The following LARGE1 variants were observed in gnomAD, a reference collection of about 807,000 sequenced individuals.
The protein encoded by LARGE1 is xylosyl- and glucuronyltransferase LARGE1.
In LARGE1, 43 loss-of-function variants were observed where a neutral mutation model predicts 87.6. That is an observed-to-expected ratio of 0.49 (90% confidence interval 0.38 to 0.63). LARGE1 has a LOEUF of 0.63. LARGE1 is among the 30% of genes least tolerant of loss of function. LARGE1 has a pLI of 0.00. For missense variants in LARGE1, 802 were observed against 1,000.2 expected, an observed-to-expected ratio of 0.80 and a Z score of 2.67; for synonymous variants, 434 against 394.6, an observed-to-expected ratio of 1.10 and a Z score of -1.18.
intron 1 of LARGE1, among the ~76,000 whole-genome samples, chr22:33,846,012 A>G (rs2063419689): frequency 6.6e-6 from 1 of 152,220 alleles, no homozygotes; most frequent in Non-Finnish European, 1.5e-5. Flanking sequence ...CTTGGTGAAG[A>G]ACAGAGCTGT....
chr22:33,508,641 C>T (rs1477222180), intron 6 of LARGE1, among the ~76,000 whole-genome samples: 3 of 152,174 alleles, frequency 2.0e-5, no homozygotes. Flanking sequence ...TTACAACGTA[C>T]ATCCATGACA....
chr22:33,388,658 C>T (rs1038393368), intron 7 of LARGE1, among the ~76,000 whole-genome samples: 5 of 152,154 alleles, frequency 3.3e-5, no homozygotes, highest in Admixed American at 2.6e-4. Context: ...CTCTGCCTCC[C>T]AGGTTCAAGC....
At position 33,277,065 on chromosome 22, in the gene LARGE1, C is replaced by T; in HGVS notation, c.2068G>A (p.Val690Met). The T allele has an allele frequency of 6.2e-7, 1 of 1,614,206 alleles. No homozygotes were observed. The highest frequency in any genetic ancestry group is 8.5e-7 in the Non-Finnish European group (1 of 1,180,010). ...NKVAHIMELD[V>M]QEYEFIVLPN... ...GGATGCTCCGTTCTTCTCACCTGCA[C>T]ATCCAGCTCCATGATATGAGCCACT... The change falls in exon 14 of 15, where the codon GTG (valine) becomes ATG (methionine). Residue 690 changes from valine to methionine, a missense_variant. Coordinates refer to ENST00000397394, the MANE Select transcript of LARGE1 (RefSeq NM_133642.5).
At chr22:33,223,520 A>ATAG (rs1363746281) in intron 11 of LARGE1, among the ~76,000 whole-genome samples, 12 of 152,314 alleles carry the variant, frequency 7.9e-5, no homozygotes, top group African/African-American at 2.6e-4. Context: ...GCCTAAGATG[A>ATAG]GAATGACGCC....
chr22:33,896,923 T>G (rs1421346529), intron 1 of LARGE1, among the ~76,000 whole-genome samples: 1 of 152,144 alleles, frequency 6.6e-6, no homozygotes, highest in Non-Finnish European at 1.5e-5. Flanking sequence ...CGACCAGACC[T>G]GATGGTGGGG....
intron 6 of LARGE1, among the ~76,000 whole-genome samples, chr22:33,444,602 G>A (rs1018524406): frequency 6.6e-6 from 1 of 152,156 alleles, no homozygotes; most frequent in Admixed American, 6.5e-5. Flanking sequence ...TGTTGAATGA[G>A]GAAGAATGTG....
the LARGE1 span, among the ~76,000 whole-genome samples, chr22:33,080,535 A>T: frequency 2.6e-5 from 4 of 152,222 alleles, no homozygotes; most frequent in African/African-American, 9.6e-5. Flanking sequence ...GATGACACAG[A>T]CACTTCAGCT....
At chr22:33,621,043 T>C (rs751383862) in intron 4 of LARGE1, among the ~76,000 whole-genome samples, 13 of 152,242 alleles carry the variant, frequency 8.5e-5, no homozygotes, top group Admixed American at 4.6e-4. Flanking sequence ...ACATGTCACA[T>C]ATAGGCATGT....
the LARGE1 span, among the ~76,000 whole-genome samples, chr22:33,091,770 G>A: frequency 6.6e-6 from 1 of 152,154 alleles, no homozygotes; most frequent in Non-Finnish European, 1.5e-5. Flanking sequence ...AAGTGAAAAT[G>A]GTAATACCGA....
At chr22:33,222,355 G>A (rs1236958649) in intron 11 of LARGE1, among the ~76,000 whole-genome samples, 1 of 152,104 alleles carries the variant, frequency 6.6e-6, no homozygotes, top group Non-Finnish European at 1.5e-5. Flanking sequence ...GAGAAAGAAG[G>A]GCCTTGGGGG....
intron 11 of LARGE1, among the ~76,000 whole-genome samples, chr22:33,253,923 T>TA (rs68005092): frequency 1.3e-5 from 2 of 150,994 alleles, no homozygotes; most frequent in Non-Finnish European, 3.0e-5. Context: ...TTTTTTTTTT[T>TA]AGTAAAAGAA....
chr22:33,782,362 T>C (rs1365304258), intron 1 of LARGE1, among the ~76,000 whole-genome samples: 2 of 152,088 alleles, frequency 1.3e-5, no homozygotes, highest in Non-Finnish European at 1.5e-5. Context: ...TGATAATGCA[T>C]ATGGGGTTTC....
intron 2 of LARGE1, among the ~76,000 whole-genome samples, chr22:33,728,551 CAAAAAAAAAAAAAA>C (rs57790780): frequency 2.7e-5 from 1 of 37,462 alleles, no homozygotes; most frequent in Non-Finnish European, 6.8e-5. Context: ...CCCCTACCAC[CAAAAAAAAAAAAAA>C]AAAAAAAAAA....
chr22:33,749,184 G>A (rs943457224), intron 2 of LARGE1, among the ~76,000 whole-genome samples: 4 of 152,098 alleles, frequency 2.6e-5, no homozygotes, highest in Non-Finnish European at 5.9e-5. Context: ...GCACAATCTC[G>A]GCTCACCGCA....
intron 5 of LARGE1, among the ~76,000 whole-genome samples, chr22:33,565,453 G>A (rs980072272): frequency 5.3e-5 from 8 of 152,134 alleles, no homozygotes; most frequent in Admixed American, 4.6e-4. Context: ...TTCCATTTAC[G>A]TGTCATTAAA....
chr22:33,489,921 T>C (rs1008628899), intron 6 of LARGE1, among the ~76,000 whole-genome samples: 2 of 152,100 alleles, frequency 1.3e-5, no homozygotes, highest in African/African-American at 4.8e-5. Flanking sequence ...CTGGGTGGTG[T>C]TGCTGTCTCT....
intron 5 of LARGE1, among the ~76,000 whole-genome samples, chr22:33,601,055 G>A (rs2079100885): frequency 6.6e-6 from 1 of 152,122 alleles, no homozygotes; most frequent in African/African-American, 2.4e-5. Context: ...GGGCGACAGA[G>A]CAAGACTCTG....
At chr22:33,521,770 T>TGTA (rs1290564333) in intron 6 of LARGE1, among the ~76,000 whole-genome samples, 1 of 152,172 alleles carries the variant, frequency 6.6e-6, no homozygotes, top group Non-Finnish European at 1.5e-5. Flanking sequence ...AGCTGAGAGG[T>TGTA]GTAGCTCTGT....
At chr22:33,882,180 G>T (rs1569010161) in intron 1 of LARGE1, among the ~76,000 whole-genome samples, 1 of 151,806 alleles carries the variant, frequency 6.6e-6, no homozygotes, top group East Asian at 1.9e-4. Context: ...ACAGGCACCT[G>T]CCACCATGCC....
Sources: gnomAD v4.1 joint callset for allele counts (sites outside exome capture counted in the v4.1 genomes callset) on GRCh38, gnomAD v4.1.1 for gene constraint, MANE v1.5 for transcripts, NCBI Gene and HGNC (gene_info 2026-07-23, HGNC 2026-07-21) for gene names.